The following HYDIN variants were observed in gnomAD, a reference collection of about 807,000 sequenced individuals.
HYDIN encodes axonemal central pair apparatus protein HYDIN.
HYDIN carries 132 observed loss-of-function variants against 403.9 expected under a neutral mutation model. The ratio of observed to expected loss-of-function variants is 0.33; its 90% CI spans 0.28 to 0.38. The LOEUF is 0.38. Ranked by LOEUF, HYDIN falls within the 10% of genes least tolerant of loss-of-function variation. The probability of loss-of-function intolerance (pLI) is 1.00; values close to 1 mark genes in which losing one functional copy is unlikely to be tolerated. For missense variants in HYDIN, 2,827 were observed against 5,009.5 expected (o/e 0.56, Z 13.15); for synonymous variants, 1,202 against 1,891.7 (o/e 0.64, Z 9.46).
intron 47 of HYDIN, among the ~76,000 whole-genome samples, chr16:70,910,541 CAT>C (rs1345364259): frequency 1.3e-5 from 2 of 151,966 alleles, no homozygotes; most frequent in Non-Finnish European, 2.9e-5. Context: ...CTGCTATAAA[CAT>C]GTGTGTGCAA....
intron 13 of HYDIN, chr16:71,075,901 C>G (rs1398975738): frequency 3.2e-6 from 1 of 312,136 alleles, no homozygotes; most frequent in African/African-American, 2.2e-5. Flanking sequence ...TATTCTCATA[C>G]CTGCCTGGGG....
intron 1 of HYDIN, among the ~76,000 whole-genome samples, chr16:71,224,534 TA>T (rs2040943230): frequency 6.6e-6 from 1 of 151,954 alleles, no homozygotes; most frequent in African/African-American, 2.4e-5. Context: ...TAAACTCTGT[TA>T]AATTTAATTT....
intron 75 of HYDIN, among the ~76,000 whole-genome samples, chr16:70,846,931 T>C (rs1197831824): frequency 7.6e-6 from 1 of 130,862 alleles, no homozygotes; most frequent in Non-Finnish European, 1.6e-5. Context: ...TGAGCCTATG[T>C]GTGTCTCTGC....
intron 5 of HYDIN, among the ~76,000 whole-genome samples, chr16:71,168,303 G>T (rs1466589065): frequency 1.5e-5 from 2 of 133,022 alleles, no homozygotes; most frequent in Admixed American, 8.3e-5. Flanking sequence ...TAGGCAACAA[G>T]AGCAAAACCC....
At chr16:71,063,393 G>T (rs1166473311) in intron 16 of HYDIN, among the ~76,000 whole-genome samples, 1 of 152,196 alleles carries the variant, frequency 6.6e-6, no homozygotes, top group African/African-American at 2.4e-5. Flanking sequence ...TGGATTTTTT[G>T]GAATTAATTT....
chr16:71,050,010 A>G (rs1381316212), intron 18 of HYDIN, among the ~76,000 whole-genome samples: 1 of 149,536 alleles, frequency 6.7e-6, no homozygotes, highest in African/African-American at 2.5e-5. Flanking sequence ...TATATATAAT[A>G]TACACACACT....
At position 70,807,579 on chromosome 16, in the gene HYDIN, A is replaced by G; in HGVS notation, c.*1T>C. ...GTTGATACAGGTAACCCTGGTTACC[A>G]CTAAAGGGTGATCCCCTTCAGATAA... is the stretch of plus-strand genomic sequence containing the variant. On this transcript the variant is annotated 3_prime_UTR_variant, in exon 86 of 86. Transcript: ENST00000393567. 6.2e-7 allele frequency: 1 copy of G among 1,606,294 alleles called. No homozygotes were observed. The highest frequency in any genetic ancestry group is 8.5e-7 in the Non-Finnish European group (1 of 1,175,828).
At chr16:71,039,496 T>C (rs6499403) in intron 18 of HYDIN, among the ~76,000 whole-genome samples, 1 of 152,162 alleles carries the variant, frequency 6.6e-6, no homozygotes, top group Admixed American at 6.5e-5. Context: ...TCTGTTTTCC[T>C]ACTTGAATGT....
rs746634444 is a variant in HYDIN, at chr16:70,974,283, C to G, written c.4927G>C (p.Asp1643His). 1 of 1,612,298 alleles carries G rather than the reference C, an allele frequency of 6.2e-7. No homozygotes were observed. Among genetic ancestry groups the G allele is most frequent in the South Asian group, 1.1e-5 (1 of 90,666 alleles). ...CAATGAGGTAGATTCTTTACACGAT[C>G]TAGCTCAGTACTGAATCCTGGACCA... ...LHETGFSTEL[D>H]RVKNLPHCET... The change falls in exon 33 of 86, where the codon GAT becomes CAT. Residue 1643 changes from aspartate to histidine, a missense_variant. Asp to His is a moderately conservative substitution (Grantham distance 81). Transcript: ENST00000393567.
rs1164737140 is a variant in HYDIN at position 70,886,993 on chromosome 16, C to T, written c.9774+2594G>A. ...CCTTTGAGTATATTTTCAGTCCCAC[C>T]CTCTTTTGTAACTCTTTCTGGAACT... On this transcript the variant is annotated intron_variant, in intron 58 of 85. Coordinates refer to ENST00000393567, the MANE Select transcript of HYDIN (RefSeq NM_001270974.2). Among the ~76,000 whole-genome samples the T allele has an allele frequency of 2.0e-5, 3 of 152,178 alleles. No individual in the cohort carries two copies. The East Asian group carries it at 5.8e-4, about 29-fold the overall frequency.
At chr16:71,068,887 G>A (rs1341118709) in intron 14 of HYDIN, among the ~76,000 whole-genome samples, 1 of 152,194 alleles carries the variant, frequency 6.6e-6, no homozygotes, top group Non-Finnish European at 1.5e-5. Flanking sequence ...CATAAGTGTG[G>A]CTATTTATTG....
intron 38 of HYDIN, among the ~76,000 whole-genome samples, chr16:70,961,551 T>A (rs1254256291): frequency 1.3e-5 from 2 of 152,134 alleles, no homozygotes; most frequent in Non-Finnish European, 2.9e-5. Flanking sequence ...GGAAAATAAA[T>A]GCCAGAAAAT....
At chr16:70,846,238 T>C (rs2038195771) in intron 75 of HYDIN, among the ~76,000 whole-genome samples, 1 of 146,016 alleles carries the variant, frequency 6.8e-6, no homozygotes, top group Non-Finnish European at 1.5e-5. Context: ...TCTGGTATGT[T>C]GTGTCTTTGT....
intron 20 of HYDIN, among the ~76,000 whole-genome samples, chr16:71,026,591 T>C (rs1334013630): frequency 6.6e-6 from 1 of 152,186 alleles, no homozygotes; most frequent in East Asian, 1.9e-4. Context: ...CCTAGCACAG[T>C]ATTTGTCACA....
At chr16:71,107,296 A>G (rs1441072293) in intron 10 of HYDIN, among the ~76,000 whole-genome samples, 1 of 151,196 alleles carries the variant, frequency 6.6e-6, no homozygotes, top group Non-Finnish European at 1.5e-5. Flanking sequence ...CTTAAAGCAT[A>G]ATAAAAAACA....
chr16:71,038,663 T>TA (rs1401884145), intron 18 of HYDIN, among the ~76,000 whole-genome samples: 2 of 152,206 alleles, frequency 1.3e-5, no homozygotes, highest in Non-Finnish European at 2.9e-5. Flanking sequence ...TCTCTTTTTT[T>TA]AAAAAAATTT....
intron 1 of HYDIN, among the ~76,000 whole-genome samples, chr16:71,223,985 C>A (rs966309956): frequency 2.0e-5 from 3 of 152,198 alleles, no homozygotes; most frequent in Non-Finnish European, 2.9e-5. Context: ...GAAAAAGACA[C>A]ATTCACATGC....
chr16:70,907,286 A>G, intron 50 of HYDIN, 86 bp downstream of exon 50: 3 of 493,250 alleles, frequency 6.1e-6, no homozygotes, highest in Non-Finnish European at 1.1e-5. Context: ...TAAAAGCTAC[A>G]TCTATGTACA....
chr16:71,152,154 AT>A (rs1467652722), intron 7 of HYDIN, among the ~76,000 whole-genome samples: 1 of 150,408 alleles, frequency 6.6e-6, no homozygotes, highest in Non-Finnish European at 1.5e-5. Flanking sequence ...TGAGTCCTGT[AT>A]TCCTCAGGCT....
Sources: gnomAD v4.1 joint callset for allele counts (sites outside exome capture counted in the v4.1 genomes callset) on GRCh38, gnomAD v4.1.1 for gene constraint, MANE v1.5 for transcripts, NCBI Gene and HGNC (gene_info 2026-07-23, HGNC 2026-07-21) for gene names.